The following SLC39A12 variants were observed in gnomAD, a reference collection of about 807,000 sequenced individuals.
SLC39A12 encodes the protein zinc transporter ZIP12.
In SLC39A12, 63 loss-of-function variants were observed where a neutral mutation model predicts 71.1. The observed-to-expected ratio is 0.89, with a 90% CI of 0.72 to 1.09. The LOEUF is 1.09. Among genes scored for constraint, SLC39A12 ranks in the 50% least tolerant of loss-of-function variants. The pLI is 0.00. For synonymous variants in SLC39A12, 351 were observed against 301.3 expected (o/e 1.16, Z -1.71); for missense variants, 892 against 812.6 (o/e 1.10, Z -1.19).
At chr10:18,010,218 C>A (rs1836170769) in intron 12 of SLC39A12, among the ~76,000 whole-genome samples, 1 of 152,166 alleles carries the variant, frequency 6.6e-6, no homozygotes, top group Non-Finnish European at 1.5e-5. Context: ...TGAATCCTTT[C>A]TCCATCCAAA....
chr10:17,957,544 C>T (rs1554847902), intron 2 of SLC39A12, among the ~76,000 whole-genome samples: 1 of 152,034 alleles, frequency 6.6e-6, no homozygotes, highest in Non-Finnish European at 1.5e-5. Flanking sequence ...AGAATTGCTT[C>T]ACCAGAGGCA....
intron 6 of SLC39A12, among the ~76,000 whole-genome samples, chr10:17,986,650 A>G (rs1835405338): frequency 1.3e-5 from 2 of 152,222 alleles, no homozygotes; most frequent in Admixed American, 1.3e-4. Context: ...AGACACAAAC[A>G]TTTAGACCAT....
rs562749225 is a variant in SLC39A12, at chr10:17,991,550, A to C, written c.1422+247A>C. ...TTCATGGTTGGTTTAGGAACTGGGG[A>C]CTATTTTATGTCTGGGGAATGAAGG... On this transcript the variant is annotated intron_variant, in intron 8 of 12. Transcript: ENST00000377369. Among the ~76,000 whole-genome samples, 3 of 152,206 alleles carry C rather than the reference A, an allele frequency of 2.0e-5. No individual in the cohort carries two copies. In the South Asian group the frequency reaches 6.2e-4, roughly 32 times the overall value.
At chr10:17,976,576 C>A (rs959986744) in intron 4 of SLC39A12, among the ~76,000 whole-genome samples, 1 of 152,050 alleles carries the variant, frequency 6.6e-6, no homozygotes, top group Non-Finnish European at 1.5e-5. Context: ...TGCCACCACG[C>A]CTGGCTAATT....
At chr10:17,993,720 T>C (rs1835614527) in intron 9 of SLC39A12, among the ~76,000 whole-genome samples, 1 of 152,236 alleles carries the variant, frequency 6.6e-6, no homozygotes, top group Admixed American at 6.5e-5. Flanking sequence ...AGGAGATAAC[T>C]GATTCTGTCC....
chr10:18,033,487 G>A (rs530672323), intron 12 of SLC39A12, among the ~76,000 whole-genome samples: 3,388 of 148,818 alleles, frequency 0.023, 77 homozygotes, highest in Middle Eastern at 0.056. Context: ...CTGTGGGATC[G>A]GTGGTGATAT....
At position 17,991,141 on chromosome 10, in the gene SLC39A12, T is replaced by TTTTA; in HGVS notation, c.1270-10_1270-9insTTTA. 1.3e-6 allele frequency: 2 copies of TTTTA among 1,522,516 alleles called. No individual in the cohort carries two copies. Among genetic ancestry groups the TTTTA allele is most frequent in the Non-Finnish European group, 1.7e-6 (2 of 1,145,970 alleles). The allele number at this position is 1,522,516 out of a possible 1,614,324, so 94.3% of individuals were successfully genotyped here. Reference sequence around the variant, plus strand: ...TCTCTCTGCCTTTTTTTTTTTTTTTTCCCCTGAAGGTTCTTGGTTTACATA... The same window carrying TTTTA: ...TCTCTCTGCCTTTTTTTTTTTTTTTTTTTACCCCTGAAGGTTCTTGGTTTACATA... On this transcript the variant is annotated splice_polypyrimidine_tract_variant and intron_variant, in intron 7 of 12. Transcript: ENST00000377369.
chr10:17,977,564 G>A (rs974073452), intron 4 of SLC39A12, among the ~76,000 whole-genome samples: 3 of 151,936 alleles, frequency 2.0e-5, no homozygotes, highest in Non-Finnish European at 4.4e-5. Flanking sequence ...CCCTTTCACG[G>A]CTTTTCTTTC....
chr10:17,986,604 C>T (rs575129380), intron 6 of SLC39A12, among the ~76,000 whole-genome samples: 1 of 152,318 alleles, frequency 6.6e-6, no homozygotes, highest in East Asian at 1.9e-4. Context: ...CCACCCACCA[C>T]CTTGGTGGTT....
chr10:18,001,925 ATTTTTTTT>A (rs56355548), intron 11 of SLC39A12: 1 of 134,196 alleles, frequency 7.5e-6, no homozygotes, highest in African/African-American at 2.8e-5. Context: ...TATTCATTCT[ATTTTTTTT>A]TTTTTTTTTG....
chr10:17,969,799 C>G (rs540054189), intron 4 of SLC39A12, among the ~76,000 whole-genome samples: 2 of 152,248 alleles, frequency 1.3e-5, no homozygotes, highest in African/African-American at 4.8e-5. Flanking sequence ...TGTGATCCCA[C>G]TTGTCCACTT....
intron 12 of SLC39A12, among the ~76,000 whole-genome samples, chr10:18,038,789 C>T (rs534171488): frequency 2.4e-4 from 37 of 152,304 alleles, no homozygotes; most frequent in Middle Eastern, 3.4e-3. Context: ...GTACCTAAAA[C>T]ATTTTGGTGA....
At chr10:18,040,462 C>T (rs989165324) in intron 12 of SLC39A12, among the ~76,000 whole-genome samples, 3 of 152,052 alleles carry the variant, frequency 2.0e-5, no homozygotes, top group Non-Finnish European at 2.9e-5. Flanking sequence ...GTGCTCCTCT[C>T]CATGTACTTA....
chr10:17,996,930 G>A (rs1238903517), intron 10 of SLC39A12, among the ~76,000 whole-genome samples: 5 of 150,802 alleles, frequency 3.3e-5, no homozygotes, highest in Admixed American at 2.0e-4. Context: ...CCCGGGAGGC[G>A]GAGCTTGCAG....
intron 12 of SLC39A12, among the ~76,000 whole-genome samples, chr10:18,034,436 TAA>T (rs896388531): frequency 2.6e-5 from 4 of 152,240 alleles, no homozygotes; most frequent in African/African-American, 9.6e-5. Context: ...TTTGCTGGTT[TAA>T]AGTCTGTTTT....
chr10:18,014,960 A>G (rs1836334855), intron 12 of SLC39A12, among the ~76,000 whole-genome samples: 1 of 152,208 alleles, frequency 6.6e-6, no homozygotes, highest in Non-Finnish European at 1.5e-5. Flanking sequence ...GATTGACTTC[A>G]TGGTAAAGCA....
chr10:18,037,745 C>G (rs373841565), intron 12 of SLC39A12, among the ~76,000 whole-genome samples: 2 of 152,028 alleles, frequency 1.3e-5, no homozygotes, highest in African/African-American at 2.4e-5. Flanking sequence ...ACAGCTAGGC[C>G]AGGTGCAGGG....
intron 6 of SLC39A12, among the ~76,000 whole-genome samples, chr10:17,984,577 G>A (rs1272129910): frequency 6.6e-6 from 1 of 152,194 alleles, no homozygotes; most frequent in Non-Finnish European, 1.5e-5. Flanking sequence ...CCCATATAGA[G>A]TCTGTGTGGG....
chr10:17,971,444 G>T (rs1052240583), intron 4 of SLC39A12, among the ~76,000 whole-genome samples: 1 of 151,830 alleles, frequency 6.6e-6, no homozygotes, highest in Non-Finnish European at 1.5e-5. Flanking sequence ...GTAGAATTCA[G>T]CAGTGAAGCC....
Sources: allele counts gnomAD v4.1 joint callset (sites outside exome capture counted in the v4.1 genomes callset), GRCh38; gene constraint gnomAD v4.1.1; transcripts MANE v1.5; gene names NCBI Gene and HGNC (gene_info 2026-07-23, HGNC 2026-07-21).